RNF224: variants seen among roughly 807,000 people sequenced by gnomAD.
RNF224 encodes the protein ring finger protein 224.
RNF224 carries 1 observed loss-of-function variant against 2.9 expected under a neutral mutation model. The ratio of observed to expected loss-of-function variants is 0.35; its 90% confidence interval spans 0.12 to 1.66. The LOEUF (loss-of-function observed/expected upper bound fraction) is 1.66. RNF224 is among the 40% of genes most tolerant of loss of function. The probability of loss-of-function intolerance (pLI) is 0.35; values close to 1 mark genes in which losing one functional copy is unlikely to be tolerated. For missense variants in RNF224, 254 were observed against 221.8 expected (o/e 1.15, Z -0.92); for synonymous variants, 116 against 97.6 (o/e 1.19, Z -1.11).
Position 137,228,981 on chromosome 9 carries a change from G to A in RNF224, c.366G>A (p.Gly122=). 1 of 1,535,622 alleles carries A rather than the reference G, an allele frequency of 6.5e-7. No homozygotes were observed. Among genetic ancestry groups the A allele is most frequent in the Non-Finnish European group, 8.7e-7 (1 of 1,146,754 alleles). ...GCGCCATCACTCGGCAGCCAGCTGG[G>A]CTGTGCCCTGCCCTGGGACCCCAGC... is the stretch of plus-strand genomic sequence containing the variant. ...KGSAITRQPA[G]LCPALGPQPH... is the part of the protein sequence containing the mutation. Residue 122 remains glycine, a synonymous_variant, in exon 3 of 3, where the codon GGG becomes GGA. Transcript: ENST00000445101.
In RNF224 at chr9:137,228,704, C is replaced by G. The variant is rs535732266; in HGVS notation, c.89C>G (p.Ala30Gly). 6.6e-7 allele frequency: 1 copy of G among 1,525,672 alleles called. No homozygotes were observed. Among genetic ancestry groups the G allele is most frequent in the Admixed American group, 2.0e-5 (1 of 50,594 alleles). 94.5% of individuals were successfully genotyped at this position (1,525,672 alleles called of 1,614,324 possible). A position where few individuals can be genotyped will look rare whatever the true frequency, so the allele number is the denominator to read the frequency against. The stretch of plus-strand genomic sequence containing the variant: ...ACAGACTGCATCATCTGCTGCTCGG[C>G]CTATGACCTCTCCGGGCACCTGCCC... ...ERTDCIICCSAYDLSGHLPRR... is the reference protein window; with the variant it reads ...ERTDCIICCSGYDLSGHLPRR... Residue 30 changes from alanine to glycine, a missense_variant, in exon 3 of 3, where the codon GCC becomes GGC. Ala to Gly is a moderately conservative substitution (Grantham distance 60). Coordinates refer to ENST00000445101, the MANE Select transcript of RNF224 (RefSeq NM_001190228.2).
chr9:137,229,255 G>A lies in RNF224; in HGVS notation c.*169G>A. On this transcript the variant is annotated 3_prime_UTR_variant, in exon 3 of 3. Transcript: ENST00000445101. ...CCAGCCGTGAACATCCCAGGCCACAGCCTAAGGTTGGGGGCTGGGAGGCTC... is the reference window on the plus strand; with the variant it reads ...CCAGCCGTGAACATCCCAGGCCACAACCTAAGGTTGGGGGCTGGGAGGCTC... 1.7e-6 allele frequency: 1 copy of A among 599,660 alleles called. No individual in the cohort carries two copies. The highest frequency in any genetic ancestry group is 3.0e-6 in the Non-Finnish European group (1 of 336,828). The allele number at this position is 599,660 out of a possible 1,614,324, so 37.1% of individuals were successfully genotyped here. A position where few individuals can be genotyped will look rare whatever the true frequency, so the allele number is the denominator to read the frequency against.
At chr9:137,228,024 A>C in intron 1 of RNF224, 128 bp from the exon 2 acceptor site, 1 of 400,070 alleles carries the variant, frequency 2.5e-6, no homozygotes, top group Non-Finnish European at 4.4e-6. Flanking sequence ...AGAAGCCCTA[A>C]GAGTGGGGAA....
Position 137,229,209 on chromosome 9 carries a change from G to C in RNF224, c.*123G>C, listed in dbSNP as rs1836064532. The C allele has an allele frequency of 3.2e-6, 2 of 633,384 alleles. No homozygotes were observed. The highest frequency in any genetic ancestry group is 5.5e-5 in the Admixed American group (2 of 36,304). The allele number at this position is 633,384 out of a possible 1,614,324, so 39.2% of individuals were successfully genotyped here. On this transcript the variant is annotated 3_prime_UTR_variant, in exon 3 of 3. Coordinates refer to ENST00000445101, the MANE Select transcript of RNF224 (RefSeq NM_001190228.2). ...AGCATCCTATACGCAGCTTCGTGTG[G>C]CCCAGCAGGGTGGTGTCATCCCAGC...
At chr9:137,228,584 T>C (rs977810199) in intron 2 of RNF224, 38 bp from the exon 3 acceptor site, 8 of 1,404,560 alleles carry the variant, frequency 5.7e-6, no homozygotes, top group African/African-American at 1.4e-5. Context: ...CGGAAGGTCC[T>C]CGAGGCAGGC....
In RNF224 at chr9:137,228,842, C is replaced by T. The variant is rs1305681492; in HGVS notation, c.227C>T (p.Thr76Met). The T allele has an allele frequency of 9.8e-6, 15 of 1,535,652 alleles. No individual in the cohort carries two copies. The highest frequency in any genetic ancestry group is 2.4e-5 in the South Asian group (2 of 84,050). The change falls in exon 3 of 3, where the codon ACG becomes ATG. Residue 76 changes from threonine (T) to methionine (M), a missense_variant. Thr to Met is a moderately conservative substitution (Grantham distance 81). Coordinates refer to ENST00000445101, the MANE Select transcript of RNF224 (RefSeq NM_001190228.2). Reference sequence around the variant, plus strand: ...CCGCAGTGCCGTCAGAGCACGCCCACGCCTCGCGGAGGGGTGGCCATGCTA... The same window carrying T: ...CCGCAGTGCCGTCAGAGCACGCCCATGCCTCGCGGAGGGGTGGCCATGCTA... ...PCPQCRQSTP[T>M]PRGGVAMLDL... is the part of the protein sequence containing the mutation.
intron 1 of RNF224, 33 bp downstream of exon 1, chr9:137,227,894 A>C: frequency 6.3e-6 from 1 of 159,726 alleles, no homozygotes. Flanking sequence ...AGGGGAGGTT[A>C]AGGGAAGGAG....
intron 2 of RNF224, 94 bp from the exon 3 acceptor site, chr9:137,228,528 C>T (rs747541416): frequency 2.9e-5 from 33 of 1,157,840 alleles, no homozygotes; most frequent in South Asian, 1.3e-4. Context: ...ACAGACCCAG[C>T]GCCTGACCTC....
chr9:137,229,318 A>G lies in RNF224; in HGVS notation c.*232A>G. The G allele has an allele frequency of 1.7e-6, 1 of 577,678 alleles. No individual in the cohort carries two copies. The highest frequency in any genetic ancestry group is 3.0e-5 in the Admixed American group (1 of 32,894). 35.8% of individuals were successfully genotyped at this position (577,678 alleles called of 1,614,324 possible). A position where few individuals can be genotyped will look rare whatever the true frequency, so the allele number is the denominator to read the frequency against. On this transcript the variant is annotated 3_prime_UTR_variant, in exon 3 of 3. Transcript: ENST00000445101. Reference sequence around the variant, plus strand: ...GTGACCTCCCACCTGTCCTGGCCACAATTACCAGACCCCAGACTAGCCCGA... The same window carrying G: ...GTGACCTCCCACCTGTCCTGGCCACGATTACCAGACCCCAGACTAGCCCGA...
rs1836065811 is a variant in RNF224, at chr9:137,229,254, A to G, written c.*168A>G. 5 of 599,606 alleles carry G rather than the reference A, an allele frequency of 8.3e-6. No homozygotes were observed. The highest frequency in any genetic ancestry group is 8.0e-5 in the South Asian group (4 of 50,164). The allele number at this position is 599,606 out of a possible 1,614,324, so 37.1% of individuals were successfully genotyped here. ...CCCAGCCGTGAACATCCCAGGCCAC[A>G]GCCTAAGGTTGGGGGCTGGGAGGCT... On this transcript the variant is annotated 3_prime_UTR_variant, in exon 3 of 3. Transcript: ENST00000445101.
chr9:137,228,658 G>A lies in RNF224; in HGVS notation c.43G>A (p.Gly15Arg). 1.4e-6 allele frequency: 2 copies of A among 1,458,980 alleles called. No homozygotes were observed. The highest frequency in any genetic ancestry group is 2.7e-5 in the South Asian group (2 of 73,610). 90.4% of individuals were successfully genotyped at this position (1,458,980 alleles called of 1,614,324 possible). A position where few individuals can be genotyped will look rare whatever the true frequency, so the allele number is the denominator to read the frequency against. The part of the protein sequence containing the change: ...AAGGPPGLGG[G>R]GPPEERTDCI... ...CGGAGGGCCCCCAGGCCTCGGAGGA[G>A]GGGGGCCCCCGGAGGAGAGGACAGA... Residue 15 changes from glycine (G) to arginine (R), a missense_variant, in exon 3 of 3, where the codon GGG becomes AGG. Gly to Arg is a moderately radical substitution (Grantham distance 125, BLOSUM62 -2). Transcript: ENST00000445101.
rs1564412057 is a variant in RNF224, at chr9:137,229,172, C to G, written c.*86C>G. 1.3e-6 allele frequency: 1 copy of G among 781,740 alleles called. No homozygotes were observed. The highest frequency in any genetic ancestry group is 1.7e-5 in the South Asian group (1 of 58,436). The allele number at this position is 781,740 out of a possible 1,614,324, so 48.4% of individuals were successfully genotyped here. ...CATCATGGGTTCAGCCCACTCAGAA[C>G]AACCTGGCAGTAGCATCCTATACGC... On this transcript the variant is annotated 3_prime_UTR_variant, in exon 3 of 3. Transcript: ENST00000445101.
In RNF224 at chr9:137,228,331, A is replaced by C; in HGVS notation, c.-5A>C. The C allele has an allele frequency of 1.3e-6, 2 of 1,514,340 alleles. No individual in the cohort carries two copies. The highest frequency in any genetic ancestry group is 8.8e-7 in the Non-Finnish European group (1 of 1,135,974). 93.8% of individuals were successfully genotyped at this position (1,514,340 alleles called of 1,614,324 possible). A position where few individuals can be genotyped will look rare whatever the true frequency, so the allele number is the denominator to read the frequency against. The stretch of plus-strand genomic sequence containing the variant: ...GTGGCTGTGCATAGCTGCCCAGCAG[A>C]GCCCATGCAGGTAAGAGGCCTGGGC... On this transcript the variant is annotated 5_prime_UTR_variant, in exon 2 of 3. Coordinates refer to ENST00000445101, the MANE Select transcript of RNF224 (RefSeq NM_001190228.2).
intron 2 of RNF224, 37 bp from the exon 3 acceptor site, chr9:137,228,585 C>A: frequency 7.1e-7 from 1 of 1,403,588 alleles, no homozygotes; most frequent in South Asian, 1.5e-5. Context: ...GGAAGGTCCT[C>A]GAGGCAGGCT....
intron 1 of RNF224, 134 bp downstream of exon 1, chr9:137,227,995 G>T: frequency 3.2e-6 from 1 of 313,786 alleles, no homozygotes; most frequent in Middle Eastern, 9.0e-4. Context: ...TGAGTGTGGC[G>T]AAGGGTGTGA....
rs751381714 is a variant in RNF224 at position 137,228,860 on chromosome 9, C to A, written c.245C>A (p.Ala82Asp). The change falls in exon 3 of 3, where the codon GCC (alanine) becomes GAC (aspartate). Residue 82 changes from alanine (A) to aspartate (D), a missense_variant. Ala to Asp is a moderately radical substitution (Grantham distance 126). Transcript: ENST00000445101. ...QSTPTPRGGV[A>D]MLDLDLAAFL... is the part of the protein sequence containing the mutation. ...ACGCCCACGCCTCGCGGAGGGGTGG[C>A]CATGCTAGACCTGGACCTGGCTGCT... 6.5e-7 allele frequency: 1 copy of A among 1,535,730 alleles called. No homozygotes were observed. The highest frequency in any genetic ancestry group is 1.2e-5 in the South Asian group (1 of 84,066).
Position 137,227,697 on chromosome 9 carries a change from C to T in RNF224, c.-349C>T, listed in dbSNP as rs1273795962. ...ACGGAGCTGGTGCGCCACCTGGAGT[C>T]CATGTGGACTGGTGCAGCCCTCTGC... On this transcript the variant is annotated 5_prime_UTR_variant, in exon 1 of 3. Coordinates refer to ENST00000445101, the MANE Select transcript of RNF224 (RefSeq NM_001190228.2). The T allele has an allele frequency of 6.6e-6, 1 of 152,054 alleles. No homozygotes were observed. The highest frequency in any genetic ancestry group is 1.5e-5 in the Non-Finnish European group (1 of 68,030). 9.4% of individuals were successfully genotyped at this position (152,054 alleles called of 1,614,324 possible).
At position 137,228,705 on chromosome 9, in the gene RNF224, C is replaced by G; in HGVS notation, c.90C>G (p.Ala30=). The change falls in exon 3 of 3, where the codon GCC becomes GCG. Residue 30 remains alanine, a synonymous_variant. Transcript: ENST00000445101. ...ERTDCIICCS[A]YDLSGHLPRR... ...CAGACTGCATCATCTGCTGCTCGGCCTATGACCTCTCCGGGCACCTGCCCC... is the reference window on the plus strand; with the variant it reads ...CAGACTGCATCATCTGCTGCTCGGCGTATGACCTCTCCGGGCACCTGCCCC... 1 of 1,526,034 alleles carries G rather than the reference C, an allele frequency of 6.6e-7. No homozygotes were observed. The highest frequency in any genetic ancestry group is 1.2e-5 in the South Asian group (1 of 83,098). 94.5% of individuals were successfully genotyped at this position (1,526,034 alleles called of 1,614,324 possible).
chr9:137,228,512 A>C, intron 2 of RNF224, 110 bp from the exon 3 acceptor site: 2 of 1,084,924 alleles, frequency 1.8e-6, no homozygotes, highest in Non-Finnish European at 2.6e-6. Context: ...TGCACGCACC[A>C]CCCCCACAGA....
Sources: gnomAD v4.1 joint callset for allele counts on GRCh38, gnomAD v4.1.1 for gene constraint, MANE v1.5 for transcripts, NCBI Gene and HGNC (gene_info 2026-07-23, HGNC 2026-07-21) for gene names.